The following GRAMD1C variants were observed in gnomAD, a reference collection of about 807,000 sequenced individuals.
GRAMD1C encodes GRAM domain containing 1C.
Under a neutral mutation model 97.8 loss-of-function variants are expected in GRAMD1C, and 89 were observed. That is an observed-to-expected ratio of 0.91 (90% CI 0.77 to 1.09). The LOEUF is 1.09. Ranked by LOEUF, GRAMD1C falls within the 50% of genes least tolerant of loss-of-function variation. The pLI is 0.00. For synonymous variants in GRAMD1C, 256 were observed against 267.0 expected, an observed-to-expected ratio of 0.96 and a Z score of 0.40; for missense variants, 740 against 766.4, an observed-to-expected ratio of 0.97 and a Z score of 0.41.
intron 2 of GRAMD1C, among the ~76,000 whole-genome samples, chr3:113,854,200 G>A (rs960343528): frequency 1.3e-5 from 2 of 152,032 alleles, no homozygotes; most frequent in African/African-American, 4.8e-5. Context: ...AGAAAGGTCA[G>A]GTGGGCTATT....
upstream of GRAMD1C, among the ~76,000 whole-genome samples, chr3:113,837,685 G>C (rs574550795): frequency 1.1e-4 from 16 of 152,196 alleles, no homozygotes; most frequent in Middle Eastern, 3.4e-3. Flanking sequence ...CCAGGAGTTC[G>C]AGACCAGTCT....
intron 10 of GRAMD1C, chr3:113,919,952 C>A (rs1577206121): frequency 4.5e-6 from 3 of 665,812 alleles, no homozygotes; most frequent in East Asian, 3.3e-5. Flanking sequence ...AAAGGTGAAT[C>A]AATTCCAATG....
intron 6 of GRAMD1C, among the ~76,000 whole-genome samples, chr3:113,887,086 T>TTTTTTTTG (rs1935526822): frequency 1.6e-5 from 1 of 61,362 alleles, no homozygotes; most frequent in African/African-American, 6.5e-5. Flanking sequence ...GGCCTTTTTG[T>TTTTTTTTG]TTTTTTTTTG....
At chr3:113,876,416 T>A (rs1935035425) in intron 5 of GRAMD1C, among the ~76,000 whole-genome samples, 156 bp downstream of exon 5, 1 of 152,214 alleles carries the variant, frequency 6.6e-6, no homozygotes, top group Non-Finnish European at 1.5e-5. Context: ...GTTATATTAG[T>A]GGTTAACTTT....
chr3:113,868,229 A>T (rs1934658268), intron 2 of GRAMD1C, among the ~76,000 whole-genome samples: 1 of 152,122 alleles, frequency 6.6e-6, no homozygotes, highest in Non-Finnish European at 1.5e-5. Context: ...TTTTTTGAAC[A>T]TATTTATAAT....
At chr3:113,880,057 C>T (rs1181190342) in intron 5 of GRAMD1C, among the ~76,000 whole-genome samples, 1 of 152,126 alleles carries the variant, frequency 6.6e-6, no homozygotes, top group Non-Finnish European at 1.5e-5. Context: ...CCTCTCTTGC[C>T]TCCCACACTC....
chr3:113,884,065 C>A (rs1207452246), intron 6 of GRAMD1C, among the ~76,000 whole-genome samples: 1 of 152,082 alleles, frequency 6.6e-6, no homozygotes, highest in Non-Finnish European at 1.5e-5. Flanking sequence ...AGACAGAAGA[C>A]CAACAAGGAA....
chr3:113,877,870 TG>T (rs1458647535), intron 5 of GRAMD1C, among the ~76,000 whole-genome samples: 1 of 151,994 alleles, frequency 6.6e-6, no homozygotes, highest in Admixed American at 6.6e-5. Flanking sequence ...CTCCGCCTCC[TG>T]GGTTCAAGCG....
intron 2 of GRAMD1C, among the ~76,000 whole-genome samples, chr3:113,851,673 C>A (rs1933912505): frequency 6.6e-6 from 1 of 151,320 alleles, no homozygotes; most frequent in African/African-American, 2.4e-5. Context: ...TGCACGCCAC[C>A]AGCTGAGCTA....
At chr3:113,886,019 T>C in intron 6 of GRAMD1C, 1 of 1,312,602 alleles carries the variant, frequency 7.6e-7, no homozygotes, top group Non-Finnish European at 1.0e-6. Context: ...TTCACCAACA[T>C]CGGCTCTGGT....
chr3:113,904,833 T>G (rs1033935363), intron 8 of GRAMD1C, among the ~76,000 whole-genome samples: 3 of 152,148 alleles, frequency 2.0e-5, no homozygotes, highest in African/African-American at 7.2e-5. Flanking sequence ...AGTTTTTTGT[T>G]TTTAGTTTTT....
chr3:113,877,202 G>A (rs1479827610), intron 5 of GRAMD1C, among the ~76,000 whole-genome samples: 1 of 152,140 alleles, frequency 6.6e-6, no homozygotes, highest in Admixed American at 6.5e-5. Flanking sequence ...GCAGTACAAA[G>A]AGCTTTTGCT....
intron 17 of GRAMD1C, among the ~76,000 whole-genome samples, chr3:113,941,534 T>TGGAG (rs1937775428): frequency 6.6e-6 from 1 of 152,202 alleles, no homozygotes; most frequent in African/African-American, 2.4e-5. Context: ...AATTCTTCCA[T>TGGAG]TGAGTTTTTC....
intron 16 of GRAMD1C, 34 bp from the exon 17 acceptor site, chr3:113,940,206 T>G (rs923639184): frequency 8.4e-7 from 1 of 1,191,952 alleles, no homozygotes; most frequent in Non-Finnish European, 1.2e-6. Context: ...CAGAAGCTAT[T>G]CTCCAGATTT....
rs150487124 is a variant in GRAMD1C, at chr3:113,944,419, C to T, written c.1909-979C>T. Among the ~76,000 whole-genome samples, 81 of 152,276 alleles carry T rather than the reference C, an allele frequency of 5.3e-4. 1 individual carries two copies. The highest frequency in any genetic ancestry group is 1.8e-3 in the African/African-American group (73 of 41,540). ...TTCAGATAGCAGCAACTCCCAAGTC[C>T]GTATCTCTCACCTCGACCTGAGCTC... On this transcript the variant is annotated intron_variant, in intron 17 of 17. Transcript: ENST00000358160.
chr3:113,837,878 A>C (rs1709665202), upstream of GRAMD1C, among the ~76,000 whole-genome samples: 1 of 152,244 alleles, frequency 6.6e-6, no homozygotes, highest in South Asian at 2.1e-4. Flanking sequence ...ACCGCACTCC[A>C]GCTGGTCTAA....
intron 17 of GRAMD1C, among the ~76,000 whole-genome samples, chr3:113,944,191 G>A (rs1387211661): frequency 2.0e-5 from 3 of 152,120 alleles, no homozygotes; most frequent in African/African-American, 7.2e-5. Context: ...CAAGATTAAG[G>A]TTCTGGCATG....
chr3:113,849,148 G>A (rs1933741581), intron 2 of GRAMD1C, among the ~76,000 whole-genome samples: 2 of 152,066 alleles, frequency 1.3e-5, no homozygotes, highest in South Asian at 2.1e-4. Flanking sequence ...TATAGAGTAA[G>A]CAACTATTGG....
intron 6 of GRAMD1C, among the ~76,000 whole-genome samples, chr3:113,886,687 T>A (rs1181504546): frequency 6.8e-6 from 1 of 146,540 alleles, no homozygotes; most frequent in Non-Finnish European, 1.5e-5. Context: ...AGCAAGGAAA[T>A]AATAAAGATT....
Sources: allele counts gnomAD v4.1 joint callset (sites outside exome capture counted in the v4.1 genomes callset), GRCh38; gene constraint gnomAD v4.1.1; transcripts MANE v1.5; gene names NCBI Gene and HGNC (gene_info 2026-07-23, HGNC 2026-07-21).